DLC1: variants seen among roughly 807,000 people sequenced by gnomAD.
DLC1 encodes rho GTPase-activating protein 7.
In DLC1, 54 loss-of-function variants were observed where a neutral mutation model predicts 140.3. That is an observed-to-expected ratio of 0.38 (90% CI 0.31 to 0.48). The LOEUF (loss-of-function observed/expected upper bound fraction) is 0.48, where lower values mean the gene tolerates loss of function less well. DLC1 is among the 20% of genes least tolerant of loss of function. DLC1 has a pLI of 0.96. For synonymous variants in DLC1, 986 were observed against 728.1 expected, an observed-to-expected ratio of 1.35 and a Z score of -5.70; for missense variants, 2,536 against 1,907.0, an observed-to-expected ratio of 1.33 and a Z score of -6.14.
intron 12 of DLC1, among the ~76,000 whole-genome samples, chr8:13,093,128 G>A (rs1036121322): frequency 1.5e-5 from 2 of 137,528 alleles, no homozygotes; most frequent in African/African-American, 5.0e-5. Flanking sequence ...TTACAGAACA[G>A]TTTTTTCTTT....
chr8:13,346,232 CA>C (rs967499579), intron 4 of DLC1, among the ~76,000 whole-genome samples: 1 of 152,184 alleles, frequency 6.6e-6, no homozygotes. Flanking sequence ...TGAGTATACA[CA>C]ATTTTTTGAT....
intron 5 of DLC1, among the ~76,000 whole-genome samples, chr8:13,181,884 T>G (rs1052789437): frequency 6.6e-6 from 1 of 152,234 alleles, no homozygotes; most frequent in Admixed American, 6.5e-5. Flanking sequence ...ATGGTAATTC[T>G]AGTTCTAGAT....
intron 1 of DLC1, among the ~76,000 whole-genome samples, chr8:13,583,698 C>A (rs561301061): frequency 2.6e-5 from 4 of 152,226 alleles, no homozygotes; most frequent in East Asian, 3.9e-4. Context: ...AGCGAAATAT[C>A]GATTAAAAAA....
chr8:13,216,354 G>A (rs1374092259), intron 5 of DLC1, among the ~76,000 whole-genome samples: 2 of 152,192 alleles, frequency 1.3e-5, no homozygotes, highest in Non-Finnish European at 2.9e-5. Flanking sequence ...AAGCCACCCA[G>A]CTGCCAGGTA....
intron 5 of DLC1, 106 bp downstream of exon 5, chr8:13,305,163 A>G: frequency 6.8e-7 from 1 of 1,464,488 alleles, no homozygotes; most frequent in Non-Finnish European, 9.1e-7. Flanking sequence ...TTTCCCATAT[A>G]TTCATGAGAT....
At chr8:13,102,917 C>G in intron 7 of DLC1, 64 bp from the exon 8 acceptor site, 1 of 1,368,736 alleles carries the variant, frequency 7.3e-7, no homozygotes, top group Non-Finnish European at 1.0e-6. Context: ...TGGATAAACA[C>G]CTGTTTTTAA....
chr8:13,491,308 C>T (rs1474491206), intron 2 of DLC1, among the ~76,000 whole-genome samples: 2 of 152,024 alleles, frequency 1.3e-5, no homozygotes, highest in African/African-American at 4.8e-5. Context: ...GCCATCTTCT[C>T]TCCACTCCAC....
chr8:13,207,221 A>G (rs1221007212), intron 5 of DLC1, among the ~76,000 whole-genome samples: 2 of 152,176 alleles, frequency 1.3e-5, no homozygotes, highest in East Asian at 1.9e-4. Flanking sequence ...GTAATTTCAA[A>G]TTACGTATTC....
At chr8:13,473,768 T>C (rs745484694) in intron 2 of DLC1, among the ~76,000 whole-genome samples, 55 of 152,134 alleles carry the variant, frequency 3.6e-4, no homozygotes, top group Non-Finnish European at 6.8e-4. Context: ...GTAGCATTTT[T>C]CCCCTTCGCT....
intron 4 of DLC1, among the ~76,000 whole-genome samples, chr8:13,314,260 A>T (rs1490060467): frequency 1.3e-5 from 2 of 148,424 alleles, no homozygotes; most frequent in South Asian, 2.1e-4. Flanking sequence ...GTGTATACAT[A>T]TTATATATGT....
chr8:13,337,737 A>G (rs774574608), intron 4 of DLC1, among the ~76,000 whole-genome samples: 2 of 152,242 alleles, frequency 1.3e-5, no homozygotes, highest in Non-Finnish European at 2.9e-5. Flanking sequence ...TTGGTACAAT[A>G]AAGCTGGAAA....
At chr8:13,269,058 A>G (rs1470451746) in intron 5 of DLC1, among the ~76,000 whole-genome samples, 1 of 151,860 alleles carries the variant, frequency 6.6e-6, no homozygotes, top group Non-Finnish European at 1.5e-5. Flanking sequence ...TATTTTTAGT[A>G]GAGACGGGGT....
chr8:13,289,180 A>G (rs1213932897), intron 5 of DLC1, among the ~76,000 whole-genome samples: 1 of 151,858 alleles, frequency 6.6e-6, no homozygotes, highest in Admixed American at 6.6e-5. Context: ...CCTCCATCTC[A>G]TAGAGTTAGA....
At chr8:13,522,535 G>A (rs989902754) in intron 1 of DLC1, among the ~76,000 whole-genome samples, 1 of 152,078 alleles carries the variant, frequency 6.6e-6, no homozygotes, top group Non-Finnish European at 1.5e-5. Context: ...TGAGGCAGGA[G>A]AATCGCTTGA....
At chr8:13,439,096 G>A (rs1268107235) in intron 2 of DLC1, among the ~76,000 whole-genome samples, 1 of 152,098 alleles carries the variant, frequency 6.6e-6, no homozygotes, top group African/African-American at 2.4e-5. Context: ...GGAGGCCAAG[G>A]TGGGTAGATT....
intron 1 of DLC1, chr8:13,567,062 C>G (rs1226170351): frequency 1.9e-6 from 3 of 1,551,742 alleles, no homozygotes; most frequent in Non-Finnish European, 1.7e-6. Context: ...GAGACTGAGA[C>G]TTTGAAGAAC....
chr8:13,346,032 T>C (rs910479814), intron 4 of DLC1, among the ~76,000 whole-genome samples: 1 of 152,360 alleles, frequency 6.6e-6, no homozygotes, highest in Middle Eastern at 3.4e-3. Flanking sequence ...AGTTTTGCAC[T>C]GTGCATTTGT....
chr8:13,377,689 C>A (rs1836063964), intron 4 of DLC1, among the ~76,000 whole-genome samples: 1 of 152,066 alleles, frequency 6.6e-6, no homozygotes, highest in South Asian at 2.1e-4. Flanking sequence ...CATAACATTA[C>A]AAGTCATGAA....
chr8:13,169,946 G>C (rs1383397438), intron 5 of DLC1, among the ~76,000 whole-genome samples: 2 of 151,970 alleles, frequency 1.3e-5, no homozygotes, highest in Non-Finnish European at 2.9e-5. Flanking sequence ...CTTGAGTCTG[G>C]GAGGTCAAGG....
Sources: allele counts gnomAD v4.1 joint callset (sites outside exome capture counted in the v4.1 genomes callset), GRCh38; gene constraint gnomAD v4.1.1; transcripts MANE v1.5; gene names NCBI Gene and HGNC (gene_info 2026-07-23, HGNC 2026-07-21).